Variants in RNF10 observed in about 807,000 individuals in gnomAD.
RNF10 encodes E3 ubiquitin-protein ligase RNF10.
Under a neutral mutation model 91.4 loss-of-function variants are expected in RNF10, and 38 were observed. The ratio of observed to expected loss-of-function variants is 0.42; its 90% confidence interval spans 0.32 to 0.54. The LOEUF is 0.54. RNF10 is among the 20% of genes least tolerant of loss of function. The probability of loss-of-function intolerance (pLI) is 0.16; values close to 1 mark genes in which losing one functional copy is unlikely to be tolerated. For missense variants in RNF10, 945 were observed against 1,012.0 expected, an observed-to-expected ratio of 0.93 and a Z score of 0.90; for synonymous variants, 364 against 366.3, an observed-to-expected ratio of 0.99 and a Z score of 0.07.
At chr12:120,538,533 C>T (rs1322180793) in intron 1 of RNF10, among the ~76,000 whole-genome samples, 1 of 152,304 alleles carries the variant, frequency 6.6e-6, no homozygotes, top group South Asian at 2.1e-4. Flanking sequence ...CCTACAGCTT[C>T]ATTCCAGTAG....
At chr12:120,567,210 T>C (rs936346775) in intron 13 of RNF10, among the ~76,000 whole-genome samples, 5 of 152,178 alleles carry the variant, frequency 3.3e-5, no homozygotes, top group Non-Finnish European at 4.4e-5. Flanking sequence ...TTAGGCAGGA[T>C]AGTTGAAAAT....
intron 13 of RNF10, among the ~76,000 whole-genome samples, chr12:120,569,508 A>C (rs1876275665): frequency 6.9e-6 from 1 of 144,708 alleles, no homozygotes; most frequent in African/African-American, 2.5e-5. Flanking sequence ...ACTGTGGCAG[A>C]TCATTAAATA....
chr12:120,546,979 T>G lies in RNF10; in HGVS notation c.354+378T>G, dbSNP rs116409253. On this transcript the variant is annotated intron_variant, in intron 2 of 16. Transcript: ENST00000325954. The stretch of plus-strand genomic sequence containing the variant: ...AATGCATATATCTATAGTCTCAAAT[T>G]TTTTTTAGGAGTTTCTTAGCTATGC... Among the ~76,000 whole-genome samples the G allele has an allele frequency of 5.5e-3, 835 of 152,260 alleles. 5 individuals are homozygous for G. Among genetic ancestry groups the G allele is most frequent in the African/African-American group, 0.019 (777 of 41,534 alleles).
rs2137204175 is a variant in RNF10 at position 120,557,661 on chromosome 12, G to C, written c.946G>C (p.Asp316His). 6.2e-7 allele frequency: 1 copy of C among 1,614,152 alleles called. No individual in the cohort carries two copies. Among genetic ancestry groups the C allele is most frequent in the Non-Finnish European group, 8.5e-7 (1 of 1,180,018 alleles). ...GCCCAAATCCAAATGGATGAATGTA[G>C]ACCATCCCATTCATCTAGGAGGTGA... ...ALPKSKWMNV[D>H]HPIHLGDEQH... Residue 316 changes from aspartate to histidine, a missense_variant, in exon 6 of 17, where the codon GAC becomes CAC. Physicochemically the swap from Asp to His is moderately conservative, Grantham distance 81. Coordinates refer to ENST00000325954, the MANE Select transcript of RNF10 (RefSeq NM_014868.5).
intron 14 of RNF10, chr12:120,574,823 G>A (rs980063747): frequency 1.7e-5 from 4 of 234,196 alleles, no homozygotes; most frequent in African/African-American, 9.3e-5. Context: ...CTACTCAGGA[G>A]GATGAGGCAG....
Position 120,545,236 on chromosome 12 carries a change from A to C in RNF10, c.158-1169A>C, listed in dbSNP as rs561993089. ...CGCCCTGTCACCCAGGCTGGAGTGC[A>C]GTGGCACGATCTCAGCTCACTGCAA... is the stretch of plus-strand genomic sequence containing the variant. On this transcript the variant is annotated intron_variant, in intron 1 of 16. Transcript: ENST00000325954. Among the ~76,000 whole-genome samples the C allele has an allele frequency of 2.6e-5, 4 of 152,136 alleles. No individual in the cohort carries two copies. The East Asian group carries it at 5.8e-4, about 22-fold the overall frequency.
chr12:120,576,469 G>A, intron 16 of RNF10, 121 bp from the exon 17 acceptor site: 1 of 1,420,188 alleles, frequency 7.0e-7, no homozygotes. Flanking sequence ...TTGGCATCTA[G>A]GCAGTCTAAT....
chr12:120,575,508 C>A, intron 14 of RNF10, 123 bp from the exon 15 acceptor site: 2 of 1,038,418 alleles, frequency 1.9e-6, no homozygotes, highest in Non-Finnish European at 3.0e-6. Context: ...AGAGAAGTAC[C>A]TGGAAAATCT....
chr12:120,566,087 C>T lies in RNF10; in HGVS notation c.1885+558C>T, dbSNP rs142970792. Among the ~76,000 whole-genome samples the T allele has an allele frequency of 2.4e-4, 37 of 152,274 alleles. 1 individual carries two copies. The East Asian group carries it at 7.1e-3, about 29-fold the overall frequency. On this transcript the variant is annotated intron_variant, in intron 12 of 16. Transcript: ENST00000325954. ...AGAACACAAGGAACTGAGTCCTTGGCCCAGAAAAGGACTTCGGTGTTTTGA... is the reference window on the plus strand; with the variant it reads ...AGAACACAAGGAACTGAGTCCTTGGTCCAGAAAAGGACTTCGGTGTTTTGA...
chr12:120,572,896 T>C (rs1005102730), intron 14 of RNF10, among the ~76,000 whole-genome samples: 6 of 126,882 alleles, frequency 4.7e-5, no homozygotes, highest in African/African-American at 8.7e-5. Flanking sequence ...CCACTGCGCC[T>C]GGCCTTTTTT....
intron 14 of RNF10, among the ~76,000 whole-genome samples, chr12:120,573,753 G>C (rs957878329): frequency 7.2e-5 from 11 of 152,090 alleles, no homozygotes; most frequent in Non-Finnish European, 1.6e-4. Flanking sequence ...GAGGTGCCAG[G>C]CCGTTTTAAA....
chr12:120,555,561 C>T (rs1316279259), intron 4 of RNF10, among the ~76,000 whole-genome samples: 1 of 151,294 alleles, frequency 6.6e-6, no homozygotes, highest in African/African-American at 2.4e-5. Flanking sequence ...AATCTTGGCT[C>T]ACTGCAACCT....
intron 6 of RNF10, among the ~76,000 whole-genome samples, chr12:120,558,577 AT>A (rs57516040): frequency 2.0e-5 from 3 of 148,210 alleles, no homozygotes; most frequent in African/African-American, 5.0e-5. Flanking sequence ...GTATATATAT[AT>A]TTTTTTTTGA....
intron 2 of RNF10, 60 bp downstream of exon 2, chr12:120,546,661 G>A (rs531979286): frequency 4.6e-5 from 66 of 1,445,064 alleles, no homozygotes; most frequent in Middle Eastern, 2.0e-4. Flanking sequence ...CCCATCCCCC[G>A]TCCCCCAGTT....
At chr12:120,546,937 A>T (rs1872426197) in intron 2 of RNF10, among the ~76,000 whole-genome samples, 1 of 152,212 alleles carries the variant, frequency 6.6e-6, no homozygotes, top group Admixed American at 6.5e-5. Context: ...TTGCCTTTGT[A>T]ATCTAGCAAA....
intron 4 of RNF10, among the ~76,000 whole-genome samples, chr12:120,557,014 G>A (rs1164533950): frequency 6.6e-6 from 1 of 151,278 alleles, no homozygotes; most frequent in Non-Finnish European, 1.5e-5. Context: ...CGTGGTGGCA[G>A]GCGCCTGTAG....
At chr12:120,564,070 T>A in intron 10 of RNF10, 127 bp downstream of exon 10, 1 of 1,003,106 alleles carries the variant, frequency 1.0e-6, no homozygotes, top group Non-Finnish European at 1.5e-6. Flanking sequence ...AGTCTTTCTG[T>A]CAGTGATGGT....
chr12:120,551,658 C>T (rs993929871), intron 2 of RNF10, among the ~76,000 whole-genome samples: 9 of 151,022 alleles, frequency 6.0e-5, no homozygotes, highest in African/African-American at 1.9e-4. Flanking sequence ...GAATCTCACC[C>T]TGTTGCCCAG....
At position 120,560,136 on chromosome 12, in the gene RNF10, C is replaced by G. The variant is rs896652757; in HGVS notation, c.968-590C>G. 4.1e-5 allele frequency among the ~76,000 whole-genome samples: 6 copies of G among 146,104 alleles called. No individual in the cohort carries two copies. In the South Asian group the frequency reaches 8.8e-4, roughly 21 times the overall value. ...CTGGTTGGTTTGAGCTTTTCTTTTT[C>G]TGTGTGTGGTTTTTTTTGTTTTTTT... is the stretch of plus-strand genomic sequence containing the variant. On this transcript the variant is annotated intron_variant, in intron 6 of 16. Coordinates refer to ENST00000325954, the MANE Select transcript of RNF10 (RefSeq NM_014868.5).
Sources: allele counts gnomAD v4.1 joint callset (sites outside exome capture counted in the v4.1 genomes callset), GRCh38; gene constraint gnomAD v4.1.1; transcripts MANE v1.5; gene names NCBI Gene and HGNC (gene_info 2026-07-23, HGNC 2026-07-21).